Variants in MME observed in about 807,000 individuals in gnomAD.
The protein encoded by MME is membrane metalloendopeptidase, also known as neprilysin.
Under a neutral mutation model 113.2 loss-of-function variants are expected in MME, and 98 were observed. The ratio of observed to expected loss-of-function variants is 0.87; its 90% CI spans 0.74 to 1.02. The LOEUF is 1.02. Among genes scored for constraint, MME ranks in the 50% least tolerant of loss-of-function variants. The pLI, the probability that MME is intolerant of heterozygous loss-of-function variation, is 0.00. For missense variants in MME, 836 were observed against 896.0 expected, an observed-to-expected ratio of 0.93 and a Z score of 0.86; for synonymous variants, 292 against 300.6, an observed-to-expected ratio of 0.97 and a Z score of 0.30.
intron 20 of MME, among the ~76,000 whole-genome samples, chr3:155,171,551 C>T (rs1711973943): frequency 6.6e-6 from 1 of 152,124 alleles, no homozygotes; most frequent in Non-Finnish European, 1.5e-5. Flanking sequence ...TATTTTCCTT[C>T]AAATGTACCT....
At chr3:155,134,140 T>C (rs1268548503) in intron 8 of MME, among the ~76,000 whole-genome samples, 1 of 152,084 alleles carries the variant, frequency 6.6e-6, no homozygotes, top group Non-Finnish European at 1.5e-5. Flanking sequence ...AAATATAATT[T>C]CAAGTTTTAT....
At chr3:155,089,357 T>C (rs1716074003) in intron 3 of MME, among the ~76,000 whole-genome samples, 1 of 152,212 alleles carries the variant, frequency 6.6e-6, no homozygotes, top group Non-Finnish European at 1.5e-5. Flanking sequence ...TTTCAAGGAA[T>C]CTTGTGCTTT....
chr3:155,046,429 T>C (rs1210094088), intron 1 of MME, among the ~76,000 whole-genome samples: 6 of 152,238 alleles, frequency 3.9e-5, no homozygotes, highest in African/African-American at 1.4e-4. Context: ...GGCTCATGCC[T>C]GTAATCCCAG....
intron 8 of MME, 79 bp downstream of exon 8, chr3:155,118,890 CA>C (rs1276678020): frequency 2.1e-6 from 2 of 962,634 alleles, no homozygotes; most frequent in African/African-American, 3.3e-5. Flanking sequence ...AAGATAAAGC[CA>C]AATTAAATTT....
upstream of MME, chr3:155,079,843 C>G (rs1052336458): frequency 2.5e-4 from 38 of 152,560 alleles, no homozygotes; most frequent in African/African-American, 8.9e-4. Context: ...GAACCTCCCC[C>G]AAGTCCGGCC....
chr3:155,133,662 CCATATATATATA>C (rs1559939871), intron 8 of MME, among the ~76,000 whole-genome samples: 1 of 25,698 alleles, frequency 3.9e-5, no homozygotes, highest in Non-Finnish European at 7.4e-5. Flanking sequence ...TATACACACA[CCATATATATATA>C]TATATATATA....
chr3:155,051,460 T>C (rs1713760687), intron 1 of MME, among the ~76,000 whole-genome samples: 1 of 152,212 alleles, frequency 6.6e-6, no homozygotes, highest in Non-Finnish European at 1.5e-5. Flanking sequence ...TGACTCACAA[T>C]TCTGCGTGGC....
At chr3:155,100,987 G>A (rs898344724) in intron 3 of MME, among the ~76,000 whole-genome samples, 2 of 152,176 alleles carry the variant, frequency 1.3e-5, no homozygotes, top group Non-Finnish European at 2.9e-5. Context: ...GGAGGTATTT[G>A]GATCATGGGG....
chr3:155,082,400 G>A (rs1006469839), intron 1 of MME, among the ~76,000 whole-genome samples: 4 of 152,274 alleles, frequency 2.6e-5, no homozygotes, highest in South Asian at 2.1e-4. Context: ...CATGAAACAT[G>A]GGGAGACTGG....
rs930023096 is a variant in MME, at chr3:155,176,761, G to A, written c.2154-3599G>A. 2.0e-5 allele frequency among the ~76,000 whole-genome samples: 3 copies of A among 152,158 alleles called. No individual in the cohort carries two copies. In the East Asian group the frequency reaches 5.8e-4, roughly 29 times the overall value. The stretch of plus-strand genomic sequence containing the variant: ...GGATTGCTTGAACCCAGGAGGTCAA[G>A]GCTGCAGTGAGCTGTGATCGTGCCT... On this transcript the variant is annotated intron_variant, in intron 22 of 22. Transcript: ENST00000360490.
At chr3:155,149,629 T>C (rs1183071790) in intron 16 of MME, among the ~76,000 whole-genome samples, 1 of 151,984 alleles carries the variant, frequency 6.6e-6, no homozygotes, top group African/African-American at 2.4e-5. Flanking sequence ...AGACAAGACA[T>C]GGTGTAATAA....
chr3:155,101,746 G>C (rs1483988238), intron 3 of MME, among the ~76,000 whole-genome samples: 1 of 152,012 alleles, frequency 6.6e-6, no homozygotes, highest in Non-Finnish European at 1.5e-5. Flanking sequence ...TGCCCTCCCT[G>C]TGTGACTTAT....
chr3:155,117,245 A>G (rs546396321), intron 7 of MME, among the ~76,000 whole-genome samples: 61 of 152,310 alleles, frequency 4.0e-4, no homozygotes, highest in African/African-American at 1.4e-3. Flanking sequence ...AAATGATAAG[A>G]AGGGCTCCAG....
intron 3 of MME, among the ~76,000 whole-genome samples, chr3:155,102,660 G>C (rs1717354817): frequency 6.6e-6 from 1 of 152,144 alleles, no homozygotes; most frequent in Non-Finnish European, 1.5e-5. Context: ...TAAAAGTAAA[G>C]CTGTTCTCAT....
intron 9 of MME, 63 bp from the exon 10 acceptor site, chr3:155,140,128 T>TTTA: frequency 9.0e-7 from 1 of 1,114,162 alleles, no homozygotes; most frequent in Non-Finnish European, 1.3e-6. Flanking sequence ...TACCCTCATA[T>TTTA]GTAGTTATAT....
chr3:155,136,898 A>G (rs991398818), intron 8 of MME, among the ~76,000 whole-genome samples: 3 of 152,188 alleles, frequency 2.0e-5, no homozygotes, highest in Non-Finnish European at 4.4e-5. Context: ...TCACCTATCC[A>G]TAATCACAAT....
At chr3:155,141,049 A>G (rs962907343) in intron 10 of MME, among the ~76,000 whole-genome samples, 1 of 152,152 alleles carries the variant, frequency 6.6e-6, no homozygotes, top group Non-Finnish European at 1.5e-5. Flanking sequence ...TTTTGTGGCT[A>G]TGCATTTATT....
chr3:155,038,629 C>T (rs890729067), intron 1 of MME, among the ~76,000 whole-genome samples: 4 of 152,140 alleles, frequency 2.6e-5, no homozygotes, highest in African/African-American at 9.7e-5. Flanking sequence ...GAGGAATATG[C>T]TCCAAGACCC....
chr3:155,154,888 C>G (rs1294754652), intron 16 of MME, among the ~76,000 whole-genome samples: 1 of 152,122 alleles, frequency 6.6e-6, no homozygotes, highest in Non-Finnish European at 1.5e-5. Context: ...GTAAAAAGGA[C>G]TATTTGACTC....
Sources: allele counts gnomAD v4.1 joint callset (sites outside exome capture counted in the v4.1 genomes callset), GRCh38; gene constraint gnomAD v4.1.1; transcripts MANE v1.5; gene names NCBI Gene and HGNC (gene_info 2026-07-23, HGNC 2026-07-21).